Variants in CAPS2 observed in about 807,000 individuals in gnomAD.
The protein encoded by CAPS2 is calcyphosin-2.
Under a neutral mutation model 86.5 loss-of-function variants are expected in CAPS2, and 98 were observed. The observed-to-expected ratio is 1.13, with a 90% CI of 0.96 to 1.34. The LOEUF is 1.34. Ranked by LOEUF, CAPS2 falls within the 40% of genes most tolerant of loss-of-function variation. CAPS2 has a pLI of 0.00. For missense variants in CAPS2, 729 were observed against 686.8 expected, an observed-to-expected ratio of 1.06 and a Z score of -0.69; for synonymous variants, 210 against 225.1, an observed-to-expected ratio of 0.93 and a Z score of 0.60.
upstream of CAPS2, chr12:75,330,071 A>T: frequency 2.5e-6 from 1 of 402,878 alleles, no homozygotes. Flanking sequence ...GTTGCCCGGC[A>T]ACAGGCGCCG....
chr12:75,325,131 G>T (rs148030602), intron 2 of CAPS2, 108 bp downstream of exon 3: 3 of 1,007,192 alleles, frequency 3.0e-6, no homozygotes, highest in Non-Finnish European at 2.8e-6. Flanking sequence ...ATTTTTCTGT[G>T]GTTCACAATC....
In CAPS2 at chr12:75,378,847, C is replaced by T. The variant is rs190563370; in HGVS notation, c.-395+11991G>A. Among the ~76,000 whole-genome samples, 4 of 152,292 alleles carry T rather than the reference C, an allele frequency of 2.6e-5. No homozygotes were observed. The East Asian group carries it at 7.7e-4, about 29-fold the overall frequency. ...ACACACAAAACTAACCATCACATTA[C>T]TATTTGACATCATGTATATAGAGTC... On this transcript the variant is annotated intron_variant, in intron 1 of 5. Transcript: ENST00000551829.
At chr12:75,296,590 C>T (rs1030470377) in intron 11 of CAPS2, among the ~76,000 whole-genome samples, 4 of 152,198 alleles carry the variant, frequency 2.6e-5, no homozygotes, top group Non-Finnish European at 4.4e-5. Context: ...CCGCACCCAG[C>T]GTGGTCTCAC....
intron 1 of CAPS2, among the ~76,000 whole-genome samples, chr12:75,389,031 C>A (rs192138753): frequency 5.5e-4 from 84 of 152,302 alleles, no homozygotes; most frequent in Non-Finnish European, 1.0e-3. Flanking sequence ...AGCTCTACCA[C>A]TCCCTGGCTG....
chr12:75,390,234 T>C (rs2045511161), intron 1 of CAPS2: 1 of 423,972 alleles, frequency 2.4e-6, no homozygotes, highest in Non-Finnish European at 4.7e-6. Context: ...GGAAAATGTT[T>C]GGAGGTAAAC....
At chr12:75,304,399 A>G (rs992452921) in intron 8 of CAPS2, among the ~76,000 whole-genome samples, 10 of 152,216 alleles carry the variant, frequency 6.6e-5, no homozygotes, top group African/African-American at 2.4e-4. Context: ...TGCAAAACAA[A>G]TCTTATAGTC....
At chr12:75,334,936 C>T, upstream of CAPS2, 1 of 1,577,470 alleles carries the variant, frequency 6.3e-7, no homozygotes, top group Non-Finnish European at 8.7e-7. Flanking sequence ...TCTTAAATCC[C>T]TGACTCATCC....
chr12:75,333,203 G>A (rs1214952546), upstream of CAPS2, among the ~76,000 whole-genome samples: 3 of 151,742 alleles, frequency 2.0e-5, no homozygotes, highest in South Asian at 6.2e-4. Context: ...TATGCCTATA[G>A]ACATCTGTAT....
exon 13 of CAPS2, chr12:75,291,785 A>G: frequency 6.4e-7 from 1 of 1,563,784 alleles, no homozygotes; most frequent in Non-Finnish European, 8.7e-7. Context: ...GGTTTCTTGA[A>G]TGATTATATC....
intron 1 of CAPS2, among the ~76,000 whole-genome samples, chr12:75,364,065 G>A (rs2043801219): frequency 6.6e-6 from 1 of 152,198 alleles, no homozygotes; most frequent in Admixed American, 6.5e-5. Flanking sequence ...TTATTAAGTA[G>A]ATGAAACCTC....
At chr12:75,371,380 T>C (rs1436448560) in intron 1 of CAPS2, 5 of 218,352 alleles carry the variant, frequency 2.3e-5, no homozygotes, top group African/African-American at 4.7e-5. Context: ...TGGCAGCCGA[T>C]TGGATGTTGC....
At chr12:75,339,690 G>A (rs1378212137) in intron 1 of CAPS2, among the ~76,000 whole-genome samples, 2 of 152,042 alleles carry the variant, frequency 1.3e-5, no homozygotes, top group Non-Finnish European at 2.9e-5. Flanking sequence ...GTATTGCCTA[G>A]ATTTTTCTTC....
chr12:75,346,167 G>C (rs888587252), intron 1 of CAPS2, among the ~76,000 whole-genome samples: 3 of 152,132 alleles, frequency 2.0e-5, no homozygotes, highest in African/African-American at 7.2e-5. Flanking sequence ...TCACAATTTA[G>C]ATAAAATTTA....
At chr12:75,389,854 T>C (rs2045484409) in intron 1 of CAPS2, among the ~76,000 whole-genome samples, 1 of 152,214 alleles carries the variant, frequency 6.6e-6, no homozygotes, top group African/African-American at 2.4e-5. Flanking sequence ...AATTGTAAGC[T>C]GCTTGAAAGC....
At chr12:75,277,989 G>T (rs2033215444) in exon 17 of CAPS2, 2 of 888,448 alleles carry the variant, frequency 2.3e-6, no homozygotes, top group Non-Finnish European at 2.7e-6. Flanking sequence ...TTCATTTTAG[G>T]ATACAAAATA....
At chr12:75,290,253 T>G (rs1469905790) in intron 13 of CAPS2, among the ~76,000 whole-genome samples, 2 of 152,208 alleles carry the variant, frequency 1.3e-5, no homozygotes, top group African/African-American at 4.8e-5. Context: ...AATTGTAACT[T>G]CTATACAAAA....
Position 75,347,482 on chromosome 12 carries a change from C to G in CAPS2, c.-394-24260G>C, listed in dbSNP as rs111626738. The G allele has an allele frequency of 4.1e-3, 1,563 of 382,804 alleles. 19 individuals are homozygous for G. Among genetic ancestry groups the G allele is most frequent in the African/African-American group, 0.03 (1,384 of 46,742 alleles). 23.7% of individuals were successfully genotyped at this position (382,804 alleles called of 1,614,324 possible). ...ATAAGAATTTTAATATAAATATAAA[C>G]ATTAGAAAAAATATGTAACTAATAA... On this transcript the variant is annotated intron_variant, in intron 1 of 5. Coordinates refer to the CAPS2 transcript ENST00000551829.
At chr12:75,303,321 TAGAG>T (rs1467707669) in intron 8 of CAPS2, among the ~76,000 whole-genome samples, 4 of 152,178 alleles carry the variant, frequency 2.6e-5, no homozygotes, top group East Asian at 1.9e-4. Context: ...TAAGTGCCAT[TAGAG>T]AGAAAAAACA....
At chr12:75,357,622 T>C (rs1420129347) in intron 1 of CAPS2, among the ~76,000 whole-genome samples, 3 of 152,078 alleles carry the variant, frequency 2.0e-5, no homozygotes, top group African/African-American at 7.2e-5. Context: ...AAACAGATCT[T>C]GATACATTTA....
Sources: allele counts gnomAD v4.1 joint callset (sites outside exome capture counted in the v4.1 genomes callset), GRCh38; gene constraint gnomAD v4.1.1; transcripts MANE v1.5; gene names NCBI Gene and HGNC (gene_info 2026-07-23, HGNC 2026-07-21).